ZPBP: variants seen among roughly 807,000 people sequenced by gnomAD.
ZPBP encodes zona pellucida binding protein.
A neutral mutation model predicts 44.8 loss-of-function variants in ZPBP; 26 were observed. That is an observed-to-expected ratio of 0.58 (90% CI 0.43 to 0.81). The LOEUF (loss-of-function observed/expected upper bound fraction) is 0.81, where lower values mean the gene tolerates loss of function less well. ZPBP is among the 30% of genes least tolerant of loss of function. ZPBP has a pLI of 0.00. For missense variants in ZPBP, 409 were observed against 434.0 expected, an observed-to-expected ratio of 0.94 and a Z score of 0.51; for synonymous variants, 174 against 153.2, an observed-to-expected ratio of 1.14 and a Z score of -1.00.
At chr7:49,950,465 T>C (rs1164111883) in intron 7 of ZPBP, among the ~76,000 whole-genome samples, 1 of 151,838 alleles carries the variant, frequency 6.6e-6, no homozygotes, top group Non-Finnish European at 1.5e-5. Flanking sequence ...TGGCAGCTTT[T>C]AACAAAAATA....
At chr7:49,989,095 A>G (rs545064714) in intron 6 of ZPBP, among the ~76,000 whole-genome samples, 1 of 152,298 alleles carries the variant, frequency 6.6e-6, no homozygotes, top group East Asian at 1.9e-4. Context: ...CATCAGTACA[A>G]TAAGGATCCA....
downstream of ZPBP, among the ~76,000 whole-genome samples, chr7:49,848,721 T>C (rs767901925): frequency 1.5e-4 from 23 of 152,370 alleles, no homozygotes; most frequent in South Asian, 2.5e-3. Context: ...TTTTGTGTTT[T>C]GTATGAATCA....
At chr7:49,883,949 C>T (rs1024441109) in intron 2 of ZPBP, among the ~76,000 whole-genome samples, 8 of 152,230 alleles carry the variant, frequency 5.3e-5, no homozygotes, top group Non-Finnish European at 1.2e-4. Flanking sequence ...GGAGAGCAAT[C>T]CCCCTTAGGT....
In ZPBP at chr7:49,875,719, A is replaced by T. The variant is rs865834496; in HGVS notation, n.510-25205T>A. On this transcript the variant is annotated intron_variant and non_coding_transcript_variant, in intron 2 of 2. Coordinates refer to the ZPBP transcript ENST00000465922. The stretch of plus-strand genomic sequence containing the variant: ...TAATAACAGTGTCTGATGGAGTGGC[A>T]TGAGAATTACTTTGTTTAACAGGCT... Among the ~76,000 whole-genome samples the T allele has an allele frequency of 2.0e-5, 3 of 152,136 alleles. No individual in the cohort carries two copies. In the South Asian group the frequency reaches 6.2e-4, roughly 32 times the overall value.
intron 3 of ZPBP, among the ~76,000 whole-genome samples, chr7:50,058,613 C>T (rs1801085628): frequency 1.3e-5 from 2 of 151,960 alleles, no homozygotes; most frequent in African/African-American, 4.8e-5. Context: ...TAATCACTAA[C>T]AAGAGATTTC....
At chr7:50,011,728 C>T (rs1004749002) in intron 6 of ZPBP, among the ~76,000 whole-genome samples, 4 of 151,230 alleles carry the variant, frequency 2.6e-5, no homozygotes, top group African/African-American at 9.8e-5. Context: ...GGAAATTAAG[C>T]AACCCACTAC....
intron 2 of ZPBP, among the ~76,000 whole-genome samples, chr7:49,872,915 C>CAAAAAAAAAAAAAAAAAAAAAAAA (rs61473396): frequency 8.8e-5 from 3 of 33,960 alleles, no homozygotes; most frequent in Non-Finnish European, 1.1e-4. Flanking sequence ...GACTTTGTCT[C>CAAAAAAAAAAAAAAAAAAAAAAAA]AAAAAAAAAA....
At chr7:49,979,553 G>C (rs1796681825) in intron 7 of ZPBP, among the ~76,000 whole-genome samples, 1 of 151,380 alleles carries the variant, frequency 6.6e-6, no homozygotes, top group Non-Finnish European at 1.5e-5. Flanking sequence ...CAATTGTGTT[G>C]TTACCCAAAG....
chr7:49,868,057 C>T (rs887337258), intron 2 of ZPBP, among the ~76,000 whole-genome samples: 3 of 152,102 alleles, frequency 2.0e-5, no homozygotes, highest in African/African-American at 7.2e-5. Context: ...TGGTCTCAAA[C>T]TCCCGACCTC....
intron 7 of ZPBP, among the ~76,000 whole-genome samples, chr7:49,961,563 T>G (rs1795861556): frequency 6.6e-6 from 1 of 152,120 alleles, no homozygotes; most frequent in Non-Finnish European, 1.5e-5. Flanking sequence ...GTCACTAAAC[T>G]GTAAAATTTC....
intron 1 of ZPBP, chr7:49,920,571 G>A (rs1175814677): frequency 6.6e-6 from 1 of 152,168 alleles, no homozygotes; most frequent in African/African-American, 2.4e-5. Context: ...AAGGATGTAA[G>A]GGAACAGAGA....
chr7:50,060,842 T>C (rs1436291368), intron 3 of ZPBP, among the ~76,000 whole-genome samples: 1 of 152,146 alleles, frequency 6.6e-6, no homozygotes, highest in African/African-American at 2.4e-5. Context: ...TATGAAAATC[T>C]GGTGGACACA....
intron 2 of ZPBP, among the ~76,000 whole-genome samples, chr7:49,900,496 A>G (rs1326739026): frequency 6.6e-6 from 1 of 151,778 alleles, no homozygotes. Context: ...TCCCATGGAC[A>G]TTAAAGGGAT....
At chr7:49,853,790 G>C (rs1428124460) in intron 2 of ZPBP, among the ~76,000 whole-genome samples, 2 of 151,964 alleles carry the variant, frequency 1.3e-5, no homozygotes, top group East Asian at 1.9e-4. Flanking sequence ...ATGTATACGT[G>C]TGCCATGTTG....
At chr7:49,997,059 GGCT>G (rs1311549049) in intron 6 of ZPBP, among the ~76,000 whole-genome samples, 1 of 152,152 alleles carries the variant, frequency 6.6e-6, no homozygotes, top group Non-Finnish European at 1.5e-5. Flanking sequence ...AAGGATGCTG[GGCT>G]CTGCTCCCAC....
chr7:49,875,366 ACT>A (rs1791359120), intron 2 of ZPBP, among the ~76,000 whole-genome samples: 3 of 128,116 alleles, frequency 2.3e-5, no homozygotes, highest in Non-Finnish European at 3.2e-5. Flanking sequence ...TGAGATTCTG[ACT>A]CAAAAAAAAA....
intron 2 of ZPBP, among the ~76,000 whole-genome samples, chr7:49,878,540 C>G (rs565875144): frequency 1.5e-4 from 23 of 152,220 alleles, no homozygotes; most frequent in African/African-American, 5.1e-4. Flanking sequence ...TTCACTGTCT[C>G]CTGACTCCCA....
chr7:49,965,853 C>T (rs1796036641), intron 7 of ZPBP, among the ~76,000 whole-genome samples: 1 of 151,802 alleles, frequency 6.6e-6, no homozygotes, highest in Non-Finnish European at 1.5e-5. Context: ...TACTATAAAC[C>T]TAAAGCAACT....
chr7:50,092,296 G>T (rs911416923), intron 1 of ZPBP, among the ~76,000 whole-genome samples: 52 of 152,246 alleles, frequency 3.4e-4, no homozygotes, highest in African/African-American at 1.3e-3. Flanking sequence ...CCTGGACTTT[G>T]ATTTTTAAAT....
Sources: gnomAD v4.1 joint callset for allele counts (sites outside exome capture counted in the v4.1 genomes callset) on GRCh38, gnomAD v4.1.1 for gene constraint, MANE v1.5 for transcripts, NCBI Gene and HGNC (gene_info 2026-07-23, HGNC 2026-07-21) for gene names.